The following TMEM178B variants were observed in gnomAD, a reference collection of about 807,000 sequenced individuals.
TMEM178B encodes transmembrane protein 178B.
In TMEM178B, 5 loss-of-function variants were observed where a neutral mutation model predicts 31.0. That is an observed-to-expected ratio of 0.16 (90% CI 0.08 to 0.34). The LOEUF is 0.34. TMEM178B is among the 10% of genes least tolerant of loss of function. The pLI is 1.00. For synonymous variants in TMEM178B, 164 were observed against 164.0 expected (o/e 1.00, Z 0.00); for missense variants, 275 against 400.3 (o/e 0.69, Z 2.67).
chr7:141,366,841 G>T (rs1800013885), intron 2 of TMEM178B, among the ~76,000 whole-genome samples: 1 of 151,942 alleles, frequency 6.6e-6, no homozygotes. Context: ...TCATTCTAGG[G>T]GCTGCTCAGG....
chr7:141,194,599 TG>T (rs1796752168), intron 1 of TMEM178B, among the ~76,000 whole-genome samples: 1 of 152,178 alleles, frequency 6.6e-6, no homozygotes, highest in South Asian at 2.1e-4. Flanking sequence ...CCTGGGCTGG[TG>T]TTTAGTGTCT....
In TMEM178B at chr7:141,301,304, T is replaced by C. The variant is rs1798721112; in HGVS notation, c.496+88600T>C. Among the ~76,000 whole-genome samples, 5 of 152,360 alleles carry C rather than the reference T, an allele frequency of 3.3e-5. No homozygotes were observed. The South Asian group carries it at 6.2e-4, about 19-fold the overall frequency. Reference sequence around the variant, plus strand: ...CTAATTACGTGAAATTTCTCTTCTTTGTTATACTTTAATAAACATGCACAA... The same window carrying C: ...CTAATTACGTGAAATTTCTCTTCTTCGTTATACTTTAATAAACATGCACAA... On this transcript the variant is annotated intron_variant, in intron 2 of 3. Transcript: ENST00000565468.
intron 2 of TMEM178B, among the ~76,000 whole-genome samples, chr7:141,308,700 C>T (rs1798859193): frequency 6.6e-6 from 1 of 152,154 alleles, no homozygotes; most frequent in South Asian, 2.1e-4. Context: ...CCAAAGAACA[C>T]AGCATGAAAA....
chr7:141,299,857 C>T (rs558673590), intron 2 of TMEM178B, among the ~76,000 whole-genome samples: 59 of 152,190 alleles, frequency 3.9e-4, no homozygotes, highest in Admixed American at 9.8e-4. Flanking sequence ...GTGATCTCAG[C>T]TCAGTGGAGC....
intron 2 of TMEM178B, among the ~76,000 whole-genome samples, chr7:141,421,305 C>A (rs182190547): frequency 6.6e-6 from 1 of 152,208 alleles, no homozygotes; most frequent in Non-Finnish European, 1.5e-5. Context: ...CACATTTCCA[C>A]TTTGTAAAGA....
At chr7:141,135,202 T>C (rs1795657057) in intron 1 of TMEM178B, among the ~76,000 whole-genome samples, 2 of 152,126 alleles carry the variant, frequency 1.3e-5, no homozygotes. Flanking sequence ...ATATATGCAC[T>C]CAACACTGGG....
intron 1 of TMEM178B, among the ~76,000 whole-genome samples, chr7:141,086,620 T>C (rs1414309339): frequency 7.9e-5 from 12 of 152,198 alleles, no homozygotes; most frequent in Non-Finnish European, 1.8e-4. Context: ...TGAAGGATGG[T>C]ATTTACTTTT....
intron 1 of TMEM178B, among the ~76,000 whole-genome samples, chr7:141,193,878 T>C (rs1414543367): frequency 6.6e-6 from 1 of 152,220 alleles, no homozygotes; most frequent in African/African-American, 2.4e-5. Context: ...AGACTCCTCA[T>C]ATTGCCATTC....
At chr7:141,259,031 CT>C (rs1365673979) in intron 2 of TMEM178B, among the ~76,000 whole-genome samples, 1 of 152,144 alleles carries the variant, frequency 6.6e-6, no homozygotes, top group Non-Finnish European at 1.5e-5. Context: ...TTTTTGGCCA[CT>C]AGTTCTTCAA....
At chr7:141,294,169 A>G (rs1798592648) in intron 2 of TMEM178B, among the ~76,000 whole-genome samples, 1 of 152,212 alleles carries the variant, frequency 6.6e-6, no homozygotes, top group South Asian at 2.1e-4. Flanking sequence ...AAGTGCTGTA[A>G]GATAAAATAA....
intron 2 of TMEM178B, among the ~76,000 whole-genome samples, chr7:141,427,191 T>C (rs1801334228): frequency 6.6e-6 from 1 of 152,122 alleles, no homozygotes; most frequent in Admixed American, 6.5e-5. Context: ...AAGACATTCT[T>C]CACAGAAATA....
At chr7:141,248,538 A>T (rs1303890735) in intron 2 of TMEM178B, among the ~76,000 whole-genome samples, 2 of 152,222 alleles carry the variant, frequency 1.3e-5, no homozygotes, top group East Asian at 3.8e-4. Context: ...ATAGCCTACT[A>T]CGCACCTGGG....
chr7:141,330,198 G>T (rs186296248), intron 2 of TMEM178B, among the ~76,000 whole-genome samples: 3 of 152,190 alleles, frequency 2.0e-5, no homozygotes, highest in South Asian at 2.1e-4. Flanking sequence ...ATGATGGTTT[G>T]CTATACCTGT....
intron 2 of TMEM178B, among the ~76,000 whole-genome samples, chr7:141,214,751 C>A (rs1313706681): frequency 1.3e-5 from 2 of 151,940 alleles, no homozygotes; most frequent in Non-Finnish European, 2.9e-5. Flanking sequence ...TTCTTATTCC[C>A]AAACTGTAGT....
chr7:141,165,276 C>T (rs909353604), intron 1 of TMEM178B, among the ~76,000 whole-genome samples: 2 of 152,178 alleles, frequency 1.3e-5, no homozygotes, highest in Non-Finnish European at 2.9e-5. Flanking sequence ...GTGATATTTT[C>T]TCCATCTTTT....
chr7:141,500,365 A>G, the TMEM178B span, among the ~76,000 whole-genome samples: 1 of 152,206 alleles, frequency 6.6e-6, no homozygotes, highest in South Asian at 2.1e-4. Context: ...AGTCATTTTG[A>G]TTGAGAGGCT....
At chr7:141,207,589 G>A (rs1796987249) in intron 1 of TMEM178B, among the ~76,000 whole-genome samples, 1 of 152,140 alleles carries the variant, frequency 6.6e-6, no homozygotes, top group South Asian at 2.1e-4. Flanking sequence ...CATTGCCTTT[G>A]GAGAAATGTC....
intron 2 of TMEM178B, among the ~76,000 whole-genome samples, chr7:141,355,959 C>T (rs1176002279): frequency 1.3e-5 from 2 of 152,124 alleles, no homozygotes; most frequent in African/African-American, 2.4e-5. Flanking sequence ...TAACTGATAA[C>T]GTGATATTTG....
intron 2 of TMEM178B, among the ~76,000 whole-genome samples, chr7:141,402,555 G>T (rs1410860763): frequency 6.6e-6 from 1 of 152,248 alleles, no homozygotes; most frequent in East Asian, 1.9e-4. Context: ...AAGCGGGCTG[G>T]TGCTTCCAGG....
Sources: allele counts gnomAD v4.1 joint callset (sites outside exome capture counted in the v4.1 genomes callset), GRCh38; gene constraint gnomAD v4.1.1; transcripts MANE v1.5; gene names NCBI Gene and HGNC (gene_info 2026-07-23, HGNC 2026-07-21).